The following CCBE1 variants were observed in gnomAD, a reference collection of about 807,000 sequenced individuals.
CCBE1 encodes the protein collagen and calcium binding EGF domains 1.
CCBE1 carries 37 observed loss-of-function variants against 50.0 expected under a neutral mutation model. That is an observed-to-expected ratio of 0.74 (90% CI 0.57 to 0.97). CCBE1 has a LOEUF of 0.97. Ranked by LOEUF, CCBE1 falls within the 50% of genes least tolerant of loss-of-function variation. The pLI is 0.00. For missense variants in CCBE1, 538 were observed against 523.8 expected, an observed-to-expected ratio of 1.03 and a Z score of -0.26; for synonymous variants, 234 against 203.7, an observed-to-expected ratio of 1.15 and a Z score of -1.27.
At chr18:59,657,091 C>G (rs534101045) in intron 2 of CCBE1, among the ~76,000 whole-genome samples, 1 of 152,324 alleles carries the variant, frequency 6.6e-6, no homozygotes, top group East Asian at 1.9e-4. Flanking sequence ...TTTCCTTGGT[C>G]CCTGCATCTC....
At chr18:59,594,091 A>T (rs1194497077) in intron 2 of CCBE1, among the ~76,000 whole-genome samples, 1 of 152,230 alleles carries the variant, frequency 6.6e-6, no homozygotes, top group Admixed American at 6.5e-5. Flanking sequence ...GCTTCATGAA[A>T]AATACCAAGT....
rs1379996037 is a variant in CCBE1 at position 59,439,781 on chromosome 18, C to G, written c.811G>C (p.Gly271Arg). The stretch of plus-strand genomic sequence containing the variant: ...GGCTGCCCAGGAGGGCCTGGCATAC[C>G]GGGGAAGCCTGGGCTTCCCTTTGGT... ...PGPKGSPGFP[G>R]MPGPPGQPGP... The change falls in exon 8 of 11, where the codon GGT becomes CGT. Residue 271 changes from glycine to arginine, a missense_variant. Physicochemically the swap from Gly to Arg is moderately radical, Grantham distance 125. Transcript: ENST00000439986. 6.2e-7 allele frequency: 1 copy of G among 1,613,948 alleles called. No homozygotes were observed. The highest frequency in any genetic ancestry group is 8.5e-7 in the Non-Finnish European group (1 of 1,179,996).
At chr18:59,467,374 A>T (rs1598925495) in intron 4 of CCBE1, among the ~76,000 whole-genome samples, 2 of 152,186 alleles carry the variant, frequency 1.3e-5, no homozygotes, top group Admixed American at 1.3e-4. Flanking sequence ...ATGACCCCAC[A>T]GGTCACTTAG....
chr18:59,486,299 T>C (rs912220984), intron 2 of CCBE1, among the ~76,000 whole-genome samples: 1 of 152,212 alleles, frequency 6.6e-6, no homozygotes, highest in Non-Finnish European at 1.5e-5. Context: ...TCCCAGTTGC[T>C]TTCATCTTAT....
Position 59,454,932 on chromosome 18 carries a change from G to A in CCBE1, c.573C>T (p.Asn191=), listed in dbSNP as rs763045193. The part of the protein sequence containing the change: ...PNDTGHEKSE[N]MVKAGTCCAT... ...CACAGCAAGTTCCGGCTTTCACCATGTTCTCAGACTTCTCATGGCCTGAGA... is the reference window on the plus strand; with the variant it reads ...CACAGCAAGTTCCGGCTTTCACCATATTCTCAGACTTCTCATGGCCTGAGA... Residue 191 remains asparagine (N), a synonymous_variant, in exon 6 of 11, where the codon AAC becomes AAT. Coordinates refer to ENST00000439986, the MANE Select transcript of CCBE1 (RefSeq NM_133459.4). The A allele has an allele frequency of 1.2e-5, 19 of 1,613,956 alleles. No individual in the cohort carries two copies. Among genetic ancestry groups the A allele is most frequent in the Non-Finnish European group, 1.6e-5 (19 of 1,179,990 alleles).
At position 59,600,770 on chromosome 18, in the gene CCBE1, T is replaced by C. The variant is rs529632567; in HGVS notation, c.212+95859A>G. Among the ~76,000 whole-genome samples the C allele has an allele frequency of 2.0e-5, 3 of 152,292 alleles. No individual in the cohort carries two copies. In the South Asian group the frequency reaches 6.2e-4, roughly 32 times the overall value. On this transcript the variant is annotated intron_variant, in intron 2 of 10. Transcript: ENST00000439986. Reference sequence around the variant, plus strand: ...CCTCCCTTCTCAGCCACTCCCTCTCTTTCCTCATGTAGAGTAATGTGGTCC... The same window carrying C: ...CCTCCCTTCTCAGCCACTCCCTCTCCTTCCTCATGTAGAGTAATGTGGTCC...
intron 4 of CCBE1, 118 bp downstream of exon 4, chr18:59,469,355 A>C (rs1302601073): frequency 1.5e-6 from 2 of 1,347,816 alleles, no homozygotes; most frequent in Non-Finnish European, 2.1e-6. Context: ...TATCCCTAGG[A>C]TAATATCAAA....
At chr18:59,616,071 C>A (rs141518939) in intron 2 of CCBE1, among the ~76,000 whole-genome samples, 297 of 152,272 alleles carry the variant, frequency 2.0e-3, no homozygotes, top group Admixed American at 3.6e-3. Flanking sequence ...CTGGCCTCCT[C>A]CTGCTTAGCA....
intron 2 of CCBE1, among the ~76,000 whole-genome samples, chr18:59,679,462 T>C (rs2054555902): frequency 6.6e-6 from 1 of 152,222 alleles, no homozygotes; most frequent in South Asian, 2.1e-4. Context: ...GTAAGAGACA[T>C]GTCTGGAATT....
intron 2 of CCBE1, chr18:59,568,715 C>G (rs1352880464): frequency 3.3e-5 from 5 of 152,216 alleles, no homozygotes; most frequent in Admixed American, 2.6e-4. Flanking sequence ...TGTTTCCTTC[C>G]CCAACTGCTG....
At chr18:59,660,118 A>T (rs9959544) in intron 2 of CCBE1, among the ~76,000 whole-genome samples, 1 of 152,004 alleles carries the variant, frequency 6.6e-6, no homozygotes, top group Non-Finnish European at 1.5e-5. Context: ...GTGGGCACCC[A>T]GCTGAGAGTG....
chr18:59,487,253 G>A (rs1049750983), intron 2 of CCBE1, among the ~76,000 whole-genome samples: 1 of 151,648 alleles, frequency 6.6e-6, no homozygotes, highest in African/African-American at 2.4e-5. Flanking sequence ...TGCCTAAGAA[G>A]GGAGTCTGGA....
intron 2 of CCBE1, among the ~76,000 whole-genome samples, chr18:59,585,448 C>T (rs2053165283): frequency 1.3e-5 from 2 of 151,888 alleles, no homozygotes. Context: ...TCACTGAATT[C>T]CCAAAATCAA....
chr18:59,508,903 G>A (rs75939219), intron 2 of CCBE1, among the ~76,000 whole-genome samples: 1,760 of 151,808 alleles, frequency 0.012, 28 homozygotes, highest in African/African-American at 0.04. Flanking sequence ...AACAATGAAC[G>A]GCAAGGTCAT....
intron 2 of CCBE1, among the ~76,000 whole-genome samples, chr18:59,559,379 G>A (rs2052700718): frequency 6.6e-6 from 1 of 152,192 alleles, no homozygotes; most frequent in Non-Finnish European, 1.5e-5. Flanking sequence ...CAGCTCTTGG[G>A]CCCCACAGGT....
At position 59,431,480 on chromosome 18, in the gene CCBE1, C is replaced by T. The variant is rs1318482721; in HGVS notation, c.*4428G>A. On this transcript the variant is annotated 3_prime_UTR_variant, in exon 11 of 11. Transcript: ENST00000439986. ...CAGAATGAGGCTGCTGTGGTTGTTT[C>T]TGGGGCACAGGCTGAGAAGTGGGGA... 1 of 102,350 alleles carries T rather than the reference C, an allele frequency of 9.8e-6. No individual in the cohort carries two copies. Among genetic ancestry groups the T allele is most frequent in the Non-Finnish European group, 2.2e-5 (1 of 46,256 alleles). The allele number at this position is 102,350 out of a possible 1,614,324, so 6.3% of individuals were successfully genotyped here.
intron 5 of CCBE1, among the ~76,000 whole-genome samples, chr18:59,461,196 G>C (rs895008): frequency 0.69 from 105,021 of 151,788 alleles, 36,564 homozygotes; most frequent in East Asian, 0.82. Context: ...ACTTCAAACT[G>C]TCAAGCCTAG....
At chr18:59,633,027 A>G (rs1568244350) in intron 2 of CCBE1, among the ~76,000 whole-genome samples, 1 of 152,192 alleles carries the variant, frequency 6.6e-6, no homozygotes. Flanking sequence ...TAAGCATTCC[A>G]TGCTTAAGTG....
At chr18:59,526,669 C>G (rs1321756899) in intron 2 of CCBE1, among the ~76,000 whole-genome samples, 1 of 152,168 alleles carries the variant, frequency 6.6e-6, no homozygotes, top group Non-Finnish European at 1.5e-5. Context: ...TTCCTCTTAA[C>G]ATTACTTTAG....
Sources: allele counts gnomAD v4.1 joint callset (sites outside exome capture counted in the v4.1 genomes callset), GRCh38; gene constraint gnomAD v4.1.1; transcripts MANE v1.5; gene names NCBI Gene and HGNC (gene_info 2026-07-23, HGNC 2026-07-21).